Variants in PIERCE2 observed in about 807,000 individuals in gnomAD.
PIERCE2 encodes piercer of microtubule wall 2 protein.
At chr15:55,418,494 A>G in the PIERCE2 span, 1 of 1,528,536 alleles carries the variant, frequency 6.5e-7, no homozygotes, top group Non-Finnish European at 8.8e-7. Context: ...ACTGGATTTT[A>G]TCAAAATAAC....
chr15:55,418,167 T>C, the PIERCE2 span: 523,510 of 1,559,484 alleles, frequency 0.34, 94,968 homozygotes, highest in Non-Finnish European at 0.38. Context: ...CTGAATTAAA[T>C]TTTTTTTTTT....
chr15:55,417,681 C>T, the PIERCE2 span: 3 of 153,720 alleles, frequency 2.0e-5, no homozygotes, highest in Non-Finnish European at 4.3e-5. Context: ...TTTTTGACAA[C>T]TTTGCTCTGT....
chr15:55,408,874 C>A, the PIERCE2 span: 1 of 895,888 alleles, frequency 1.1e-6, no homozygotes, highest in African/African-American at 1.7e-5. Context: ...CACCCCCAAC[C>A]CCACAACCCC....
At chr15:55,413,760 C>CAA in the PIERCE2 span, among the ~76,000 whole-genome samples, 27,220 of 110,680 alleles carry the variant, frequency 0.25, 4,836 homozygotes, top group Non-Finnish European at 0.35. Flanking sequence ...AACTCCGTTT[C>CAA]AAAAAAAAAA....
the PIERCE2 span, chr15:55,408,784 C>G: frequency 6.6e-7 from 1 of 1,522,428 alleles, no homozygotes; most frequent in Non-Finnish European, 8.8e-7. Context: ...AGACCGCAAC[C>G]GGGTGAGTTT....
the PIERCE2 span, among the ~76,000 whole-genome samples, chr15:55,413,958 C>T: frequency 1.3e-3 from 199 of 150,076 alleles, 3 homozygotes; most frequent in Non-Finnish European, 2.5e-4. Flanking sequence ...AGTGCAGTGG[C>T]AGGATCTCGG....
chr15:55,413,717 G>A, the PIERCE2 span, among the ~76,000 whole-genome samples: 21 of 127,108 alleles, frequency 1.7e-4, no homozygotes, highest in African/African-American at 5.7e-4. Context: ...CCAAGATCGC[G>A]CCATTGCACT....
At chr15:55,414,557 AAGTT>A in the PIERCE2 span, among the ~76,000 whole-genome samples, 2 of 152,334 alleles carry the variant, frequency 1.3e-5, no homozygotes, top group East Asian at 1.9e-4. Flanking sequence ...TCTTCCAAAA[AAGTT>A]AGTAAGTGAA....
chr15:55,409,527 C>T, the PIERCE2 span, among the ~76,000 whole-genome samples: 2 of 152,046 alleles, frequency 1.3e-5, no homozygotes, highest in African/African-American at 2.4e-5. Context: ...TAATAATAAA[C>T]GTAAACATTA....
chr15:55,413,990 C>G, the PIERCE2 span, among the ~76,000 whole-genome samples: 1 of 151,434 alleles, frequency 6.6e-6, no homozygotes, highest in Non-Finnish European at 1.5e-5. Context: ...CTCCATCTCC[C>G]AGGTTCACGC....
the PIERCE2 span, chr15:55,408,932 T>A: frequency 1.7e-6 from 1 of 580,520 alleles, no homozygotes; most frequent in Non-Finnish European, 3.0e-6. Context: ...TTTACACTTG[T>A]AAATGCACGT....
the PIERCE2 span, among the ~76,000 whole-genome samples, chr15:55,411,565 C>T: frequency 6.6e-6 from 1 of 152,084 alleles, no homozygotes; most frequent in Non-Finnish European, 1.5e-5. Context: ...GCAGGTGGAT[C>T]ACTTGAGGTC....
chr15:55,415,469 A>G, the PIERCE2 span, among the ~76,000 whole-genome samples: 3 of 151,908 alleles, frequency 2.0e-5, no homozygotes, highest in Non-Finnish European at 2.9e-5. Context: ...AAAAAAAAAA[A>G]AAAAAGAGGG....
At chr15:55,409,141 A>T in the PIERCE2 span, among the ~76,000 whole-genome samples, 5 of 152,204 alleles carry the variant, frequency 3.3e-5, no homozygotes, top group Admixed American at 3.3e-4. Context: ...GCCGGGGCTC[A>T]ACGCCTGTAA....
At chr15:55,413,760 CAAA>C in the PIERCE2 span, among the ~76,000 whole-genome samples, 5 of 111,456 alleles carry the variant, frequency 4.5e-5, no homozygotes, top group South Asian at 1.4e-3. Flanking sequence ...AACTCCGTTT[CAAA>C]AAAAAAAAAA....
chr15:55,411,771 A>G, the PIERCE2 span, among the ~76,000 whole-genome samples: 1 of 152,072 alleles, frequency 6.6e-6, no homozygotes, highest in Non-Finnish European at 1.5e-5. Flanking sequence ...AAAATACACA[A>G]TTAGCCAGGC....
chr15:55,414,395 G>C, the PIERCE2 span, among the ~76,000 whole-genome samples: 1 of 151,786 alleles, frequency 6.6e-6, no homozygotes, highest in Middle Eastern at 3.4e-3. Context: ...ATTTTTAGTA[G>C]AGGCAGGGTT....
the PIERCE2 span, chr15:55,408,634 C>T: frequency 1.6e-6 from 1 of 615,410 alleles, no homozygotes; most frequent in South Asian, 2.0e-5. Context: ...ACTGATCCAC[C>T]CAGCTATTCA....
chr15:55,408,805 C>G, the PIERCE2 span: 95 of 1,510,560 alleles, frequency 6.3e-5, no homozygotes, highest in Non-Finnish European at 7.5e-5. Flanking sequence ...AGGCAGAGGG[C>G]TAGATGTTTG....
Sources: gnomAD v4.1 joint callset for allele counts (sites outside exome capture counted in the v4.1 genomes callset) on GRCh38, gnomAD v4.1.1 for gene constraint, MANE v1.5 for transcripts, NCBI Gene and HGNC (gene_info 2026-07-23, HGNC 2026-07-21) for gene names.